ALG12: variants seen among roughly 807,000 people sequenced by gnomAD.
ALG12 encodes the protein dol-P-Man:Man(7)GlcNAc(2)-PP-Dol alpha-1,6-mannosyltransferase.
ALG12 carries 36 observed loss-of-function variants against 46.0 expected under a neutral mutation model. The observed-to-expected ratio is 0.78, with a 90% confidence interval of 0.60 to 1.03. The LOEUF is 1.03. Among genes scored for constraint, ALG12 ranks in the 50% least tolerant of loss-of-function variants. The probability of loss-of-function intolerance (pLI) is 0.00; values close to 1 mark genes in which losing one functional copy is unlikely to be tolerated. For synonymous variants in ALG12, 326 were observed against 291.6 expected (o/e 1.12, Z -1.20); for missense variants, 599 against 633.5 (o/e 0.95, Z 0.58).
chr22:49,881,019 T>C, the ALG12 span, among the ~76,000 whole-genome samples: 1 of 152,246 alleles, frequency 6.6e-6, no homozygotes, highest in Non-Finnish European at 1.5e-5. Context: ...CTTTCATGCA[T>C]GCTTTTGGAC....
chr22:49,915,989 G>A (rs549292322), intron 1 of ALG12, among the ~76,000 whole-genome samples: 1 of 152,354 alleles, frequency 6.6e-6, no homozygotes, highest in Non-Finnish European at 1.5e-5. Context: ...GCCGGGAGCG[G>A]TGGCTCATTC....
chr22:49,864,946 C>T, the ALG12 span, among the ~76,000 whole-genome samples: 2 of 56,344 alleles, frequency 3.5e-5, no homozygotes, highest in Non-Finnish European at 6.5e-5. Context: ...AGCCCCCCCC[C>T]CCCCCCGTGA....
rs1218523432 is a variant in ALG12, at chr22:49,901,715, GGTGT to G, written c.*2119_*2122del. The G allele has an allele frequency of 1.1e-4, 16 of 151,624 alleles. No homozygotes were observed. Among genetic ancestry groups the G allele is most frequent in the African/African-American group, 3.6e-4 (15 of 41,126 alleles). 9.4% of individuals were successfully genotyped at this position (151,624 alleles called of 1,614,324 possible). On this transcript the variant is annotated 3_prime_UTR_variant, in exon 10 of 10. Transcript: ENST00000330817. ...GTGCATTGTGTGTGGATGCATGTGT[GGTGT>G]GTATGCATGGTGTGCACGTGCATTG...
At chr22:49,887,139 T>G in the ALG12 span, 1 of 1,613,378 alleles carries the variant, frequency 6.2e-7, no homozygotes, top group Non-Finnish European at 8.5e-7. Context: ...AACTTATCTT[T>G]TTGAAAGTGA....
the ALG12 span, among the ~76,000 whole-genome samples, chr22:49,860,643 T>TA: frequency 6.6e-6 from 1 of 152,228 alleles, no homozygotes; most frequent in Non-Finnish European, 1.5e-5. Flanking sequence ...TTTCTCTGGT[T>TA]ATGTTGCCCA....
chr22:49,912,084 C>T (rs2060581210), intron 3 of ALG12, among the ~76,000 whole-genome samples: 3 of 144,314 alleles, frequency 2.1e-5, no homozygotes, highest in African/African-American at 5.2e-5. Context: ...CCGGGATCAC[C>T]CTCGGCCCCG....
At chr22:49,887,190 G>A in the ALG12 span, 1 of 1,595,484 alleles carries the variant, frequency 6.3e-7, no homozygotes, top group Non-Finnish European at 8.6e-7. Context: ...ACTCACGACG[G>A]CACCACTAGG....
intron 3 of ALG12, among the ~76,000 whole-genome samples, chr22:49,910,976 C>G (rs1433656790): frequency 2.0e-5 from 3 of 152,248 alleles, no homozygotes; most frequent in African/African-American, 7.2e-5. Context: ...AGACCTTGCT[C>G]TAACCAGCAG....
the ALG12 span, among the ~76,000 whole-genome samples, chr22:49,880,471 T>TGGAAGCCC: frequency 6.6e-6 from 1 of 152,346 alleles, no homozygotes; most frequent in African/African-American, 2.4e-5. Flanking sequence ...CCTGGAAGCC[T>TGGAAGCCC]GGAAGCCCCG....
At chr22:49,887,507 A>G in the ALG12 span, 1 of 228,192 alleles carries the variant, frequency 4.4e-6, no homozygotes, top group African/African-American at 2.3e-5. Context: ...GAAGATGTAA[A>G]CCATTTTATT....
chr22:49,887,009 C>T, the ALG12 span: 107 of 1,613,964 alleles, frequency 6.6e-5, no homozygotes, highest in Middle Eastern at 1.6e-4. Flanking sequence ...GGGCTGTCCG[C>T]GCTGGCCGTC....
the ALG12 span, chr22:49,883,618 G>A: frequency 6.7e-7 from 1 of 1,484,614 alleles, no homozygotes; most frequent in Admixed American, 2.2e-5. Context: ...ACTTGGATCA[G>A]TGTTTTATGA....
At chr22:49,904,118 C>T (rs1601818516) in intron 9 of ALG12, 52 bp from the exon 10 acceptor site, 2 of 1,613,924 alleles carry the variant, frequency 1.2e-6, no homozygotes, top group African/African-American at 1.3e-5. Flanking sequence ...TCGCCCTGTC[C>T]CCCGCCCCCA....
In ALG12 at chr22:49,902,288, AGTGTGCAC is replaced by A. The variant is rs1182542312; in HGVS notation, c.*1542_*1549del. 1 of 123,506 alleles carries A rather than the reference AGTGTGCAC, an allele frequency of 8.1e-6. No homozygotes were observed. Among genetic ancestry groups the A allele is most frequent in the African/African-American group, 3.6e-5 (1 of 27,768 alleles). The allele number at this position is 123,506 out of a possible 1,614,324, so 7.7% of individuals were successfully genotyped here. A position where few individuals can be genotyped will look rare whatever the true frequency, so the allele number is the denominator to read the frequency against. On this transcript the variant is annotated 3_prime_UTR_variant, in exon 10 of 10. Transcript: ENST00000330817. Reference sequence around the variant, plus strand: ...GTGTGCATGTGTGCACTGTATGCATAGTGTGCACGTGTGCACTGTGTGTGGATGCATGG... The same window carrying A: ...GTGTGCATGTGTGCACTGTATGCATAGTGTGCACTGTGTGTGGATGCATGG...
the ALG12 span, among the ~76,000 whole-genome samples, chr22:49,866,122 T>C: frequency 5.8e-5 from 5 of 85,700 alleles, no homozygotes; most frequent in African/African-American, 1.6e-4. Context: ...GTACTTTGCC[T>C]GAGAGCCCAA....
At chr22:49,909,156 A>T in intron 6 of ALG12, 88 bp downstream of exon 6, 1 of 1,330,592 alleles carries the variant, frequency 7.5e-7, no homozygotes, top group Admixed American at 1.7e-5. Flanking sequence ...GAGAAGGGAG[A>T]AGCAGCTGCT....
At chr22:49,911,580 G>T (rs149528683) in intron 3 of ALG12, among the ~76,000 whole-genome samples, 1 of 152,068 alleles carries the variant, frequency 6.6e-6, no homozygotes, top group African/African-American at 2.4e-5. Flanking sequence ...GATTATAGGC[G>T]CATGCCAACA....
At position 49,915,486 on chromosome 22, in the gene ALG12, G is replaced by A. The variant is rs187425694; in HGVS notation, c.-78-1643C>T. On this transcript the variant is annotated intron_variant, in intron 1 of 9. Transcript: ENST00000330817. ...GCAGGAGAATCGCTTGAGCCCAGGA[G>A]GCAGAGGCCGCAGTGAGCCGAGATC... Among the ~76,000 whole-genome samples the A allele has an allele frequency of 1.2e-3, 178 of 151,460 alleles. 4 individuals carry two copies. The highest frequency in any genetic ancestry group is 4.0e-3 in the African/African-American group (165 of 41,168).
the ALG12 span, among the ~76,000 whole-genome samples, chr22:49,867,939 G>A: frequency 1.3e-5 from 2 of 152,184 alleles, no homozygotes; most frequent in Non-Finnish European, 2.9e-5. Context: ...TTGTCATAAA[G>A]TGTTGAATAT....
Sources: allele counts gnomAD v4.1 joint callset (sites outside exome capture counted in the v4.1 genomes callset), GRCh38; gene constraint gnomAD v4.1.1; transcripts MANE v1.5; gene names NCBI Gene and HGNC (gene_info 2026-07-23, HGNC 2026-07-21).